CREBRF: variants seen among roughly 807,000 people sequenced by gnomAD.
CREBRF encodes the protein UPF0474 protein C5orf41.
CREBRF carries 5 observed loss-of-function variants against 66.1 expected under a neutral mutation model. The ratio of observed to expected loss-of-function variants is 0.08; its 90% CI spans 0.04 to 0.16. The LOEUF (loss-of-function observed/expected upper bound fraction) is 0.16. Ranked by LOEUF, CREBRF falls within the 10% of genes least tolerant of loss-of-function variation. The probability of loss-of-function intolerance (pLI) is 1.00; values close to 1 mark genes in which losing one functional copy is unlikely to be tolerated. For synonymous variants in CREBRF, 229 were observed against 264.4 expected, an observed-to-expected ratio of 0.87 and a Z score of 1.30; for missense variants, 531 against 744.9, an observed-to-expected ratio of 0.71 and a Z score of 3.34.
intron 4 of CREBRF, among the ~76,000 whole-genome samples, chr5:173,101,551 G>GTT (rs760914746): frequency 2.8e-4 from 40 of 142,798 alleles, no homozygotes; most frequent in Non-Finnish European, 3.9e-4. Context: ...TCTTAGTGAA[G>GTT]TTTTTTTTTT....
chr5:173,120,551 T>G (rs960215379), intron 7 of CREBRF, among the ~76,000 whole-genome samples: 4 of 151,346 alleles, frequency 2.6e-5, no homozygotes, highest in Non-Finnish European at 5.9e-5. Context: ...GGCTAATTAT[T>G]TTTATTTTTA....
At position 173,090,228 on chromosome 5, in the gene CREBRF, A is replaced by T; in HGVS notation, c.136-87A>T. 1 of 1,084,334 alleles carries T rather than the reference A, an allele frequency of 9.2e-7. No individual in the cohort carries two copies. The highest frequency in any genetic ancestry group is 1.3e-6 in the Non-Finnish European group (1 of 758,488). The allele number at this position is 1,084,334 out of a possible 1,614,324, so 67.2% of individuals were successfully genotyped here. A position where few individuals can be genotyped will look rare whatever the true frequency, so the allele number is the denominator to read the frequency against. On this transcript the variant is annotated intron_variant, in intron 3 of 8. Transcript: ENST00000296953. This position sits in a 1 kb window ranked among gnomAD's most constrained non-coding sequence, Gnocchi z 4.5. ...TTTATGTTAAAACAGACCAAAAGTC[A>T]AGTATTGATTTATCAGTTTGACATA...
intron 1 of CREBRF, among the ~76,000 whole-genome samples, chr5:173,079,813 A>T (rs1237369732): frequency 6.6e-6 from 1 of 152,230 alleles, no homozygotes; most frequent in Non-Finnish European, 1.5e-5. Flanking sequence ...AGGAAAATGA[A>T]GCGAGTATAA....
In CREBRF at chr5:173,074,329, T is replaced by C. The variant is rs150904582; in HGVS notation, c.-191-6256T>C. Among the ~76,000 whole-genome samples the C allele has an allele frequency of 6.4e-3, 967 of 151,732 alleles. 14 individuals are homozygous for C. Among genetic ancestry groups the C allele is most frequent in the African/African-American group, 0.022 (906 of 41,424 alleles). On this transcript the variant is annotated intron_variant, in intron 1 of 8. Transcript: ENST00000296953. The stretch of plus-strand genomic sequence containing the variant: ...AAAAAAAAAAAAAAGGCTTCTTCCT[T>C]ATTGGTTCCCAAAGAGCTTTGACTA...
rs146354768 is a variant in CREBRF, at chr5:173,116,627, A to G, written c.1681+4248A>G. On this transcript the variant is annotated intron_variant, in intron 7 of 8. Coordinates refer to ENST00000296953, the MANE Select transcript of CREBRF (RefSeq NM_153607.3). Reference sequence around the variant, plus strand: ...TGTACTACAATTTGTTTATCTCTTCACCTTTTGATGGATACTTAGGTTGTT... The same window carrying G: ...TGTACTACAATTTGTTTATCTCTTCGCCTTTTGATGGATACTTAGGTTGTT... Among the ~76,000 whole-genome samples the G allele has an allele frequency of 3.8e-3, 577 of 152,242 alleles. 3 individuals carry two copies. The highest frequency in any genetic ancestry group is 0.013 in the African/African-American group (553 of 41,546).
intron 2 of CREBRF, among the ~76,000 whole-genome samples, chr5:173,081,672 C>T (rs546546540): frequency 4.7e-4 from 71 of 152,296 alleles, no homozygotes; most frequent in African/African-American, 1.5e-3. Flanking sequence ...CCTGTAATCC[C>T]AGCACTTTGG....
Position 173,080,774 on chromosome 5 carries a change from A to C in CREBRF, c.-2A>C. 2 of 1,613,684 alleles carry C rather than the reference A, an allele frequency of 1.2e-6. No individual in the cohort carries two copies. Among genetic ancestry groups the C allele is most frequent in the South Asian group, 2.2e-5 (2 of 91,012 alleles). ...TCGGATTCACAGGATCTGGGCTTGG[A>C]AATGCCTCAGGTAAATCATACAGAG... On this transcript the variant is annotated 5_prime_UTR_variant, in exon 2 of 9. Transcript: ENST00000296953.
chr5:173,082,088 A>C (rs1281200482), intron 2 of CREBRF, among the ~76,000 whole-genome samples: 1 of 135,126 alleles, frequency 7.4e-6, no homozygotes, highest in African/African-American at 2.9e-5. Context: ...ATCTTGGCTC[A>C]CTGCAAGCTC....
chr5:173,058,592 TC>T (rs1757150781), intron 1 of CREBRF, among the ~76,000 whole-genome samples: 1 of 151,352 alleles, frequency 6.6e-6, no homozygotes, highest in Non-Finnish European at 1.5e-5. Flanking sequence ...CACGCCATTC[TC>T]CTGCCTCAGC....
chr5:173,130,214 A>G (rs1044426290), intron 8 of CREBRF, among the ~76,000 whole-genome samples: 5 of 152,214 alleles, frequency 3.3e-5, no homozygotes, highest in Admixed American at 6.5e-5. Context: ...ATTTTTAAAA[A>G]AATTGATCTA....
At chr5:173,125,267 T>C (rs1205564554) in intron 8 of CREBRF, among the ~76,000 whole-genome samples, 1 of 152,232 alleles carries the variant, frequency 6.6e-6, no homozygotes, top group East Asian at 1.9e-4. Context: ...TTGCTGTCAT[T>C]ACTTGCTGAT....
intron 7 of CREBRF, 151 bp downstream of exon 7, chr5:173,112,530 AC>A: frequency 1.9e-6 from 1 of 515,342 alleles, no homozygotes; most frequent in Non-Finnish European, 3.5e-6. Flanking sequence ...CCACATGCTC[AC>A]TTTCCTTCAG....
chr5:173,069,346 T>TC (rs986939669), intron 1 of CREBRF, among the ~76,000 whole-genome samples: 47 of 151,976 alleles, frequency 3.1e-4, no homozygotes, highest in Non-Finnish European at 6.0e-4. Context: ...TAAATATATT[T>TC]CTTTTTTTTT....
intron 4 of CREBRF, among the ~76,000 whole-genome samples, chr5:173,099,188 T>C (rs1561807894): frequency 6.6e-6 from 1 of 152,144 alleles, no homozygotes; most frequent in Non-Finnish European, 1.5e-5. Context: ...CAGGTTCTTA[T>C]TCTGTTGCCC....
chr5:173,069,471 G>A (rs1052645419), intron 1 of CREBRF, among the ~76,000 whole-genome samples: 1 of 151,864 alleles, frequency 6.6e-6, no homozygotes, highest in Non-Finnish European at 1.5e-5. Context: ...TTACATGTGC[G>A]CCACCACACC....
In CREBRF at chr5:173,136,685, C is replaced by T. The variant is rs539212052; in HGVS notation, c.*2940C>T. The T allele has an allele frequency of 3.3e-5, 5 of 152,518 alleles. No homozygotes were observed. Among genetic ancestry groups the T allele is most frequent in the South Asian group, 4.1e-4 (2 of 4,828 alleles). 9.4% of individuals were successfully genotyped at this position (152,518 alleles called of 1,614,324 possible). Reference sequence around the variant, plus strand: ...TCCTCTATTGTCATTAAAATATATACGTTTAGTGTATCACACAAACCAATC... The same window carrying T: ...TCCTCTATTGTCATTAAAATATATATGTTTAGTGTATCACACAAACCAATC... On this transcript the variant is annotated 3_prime_UTR_variant, in exon 9 of 9. Coordinates refer to ENST00000296953, the MANE Select transcript of CREBRF (RefSeq NM_153607.3).
Position 173,108,641 on chromosome 5 carries a change from G to A in CREBRF, c.1240G>A (p.Val414Ile). The A allele has an allele frequency of 6.2e-7, 1 of 1,610,086 alleles. No individual in the cohort carries two copies. The highest frequency in any genetic ancestry group is 8.5e-7 in the Non-Finnish European group (1 of 1,179,062). Residue 414 changes from valine to isoleucine, a missense_variant, in exon 5 of 9, where the codon GTA becomes ATA. Coordinates refer to ENST00000296953, the MANE Select transcript of CREBRF (RefSeq NM_153607.3). ...FSEPGYENDS[V>I]EDLKEVTSIS... Reference sequence around the variant, plus strand: ...TTTTTAAGGCTATGAAAATGATTCTGTAGAAGACCTGAAGGAGGTGACTTC... The same window carrying A: ...TTTTTAAGGCTATGAAAATGATTCTATAGAAGACCTGAAGGAGGTGACTTC...
At chr5:173,106,588 T>C (rs1758756451) in intron 4 of CREBRF, among the ~76,000 whole-genome samples, 1 of 152,166 alleles carries the variant, frequency 6.6e-6, no homozygotes. Context: ...AATTGATTCT[T>C]TTTTTTAAAG....
rs1302360984 is a variant in CREBRF, at chr5:173,075,363, T to C, written c.-191-5222T>C. Among the ~76,000 whole-genome samples, 3 of 152,320 alleles carry C rather than the reference T, an allele frequency of 2.0e-5. No individual in the cohort carries two copies. The East Asian group carries it at 5.8e-4, about 29-fold the overall frequency. On this transcript the variant is annotated intron_variant, in intron 1 of 8. Coordinates refer to ENST00000296953, the MANE Select transcript of CREBRF (RefSeq NM_153607.3). ...AACTTGAGCCCCACCTTTCCCCCAG[T>C]GTATTCCTTGCATAGGCAACCTCTG...
Sources: allele counts gnomAD v4.1 joint callset (sites outside exome capture counted in the v4.1 genomes callset), GRCh38; gene constraint gnomAD v4.1.1; non-coding constraint Gnocchi (gnomAD v3.1); transcripts MANE v1.5; gene names NCBI Gene and HGNC (gene_info 2026-07-23, HGNC 2026-07-21).